LSAMP: variants seen among roughly 807,000 people sequenced by gnomAD.
LSAMP encodes limbic system-associated membrane protein.
Under a neutral mutation model 38.6 loss-of-function variants are expected in LSAMP, and 7 were observed. That is an observed-to-expected ratio of 0.18 (90% confidence interval 0.10 to 0.34). LSAMP has a LOEUF of 0.34. Ranked by LOEUF, LSAMP falls within the 10% of genes least tolerant of loss-of-function variation. LSAMP has a pLI of 1.00. For synonymous variants in LSAMP, 154 were observed against 166.8 expected, an observed-to-expected ratio of 0.92 and a Z score of 0.59; for missense variants, 313 against 420.0, an observed-to-expected ratio of 0.75 and a Z score of 2.23.
At chr3:116,439,316 G>GTTTTT (rs775235925) in intron 1 of LSAMP, among the ~76,000 whole-genome samples, 1 of 142,998 alleles carries the variant, frequency 7.0e-6, no homozygotes. Flanking sequence ...CTGAGATTTT[G>GTTTTT]TTGTTTTTTT....
intron 1 of LSAMP, among the ~76,000 whole-genome samples, chr3:116,122,763 A>G (rs1708912828): frequency 6.6e-6 from 1 of 152,212 alleles, no homozygotes; most frequent in African/African-American, 2.4e-5. Flanking sequence ...TCAACCTCAC[A>G]GGAAGCCAAA....
chr3:115,930,007 T>TTTTTG (rs1559885289), intron 3 of LSAMP, among the ~76,000 whole-genome samples: 2 of 135,794 alleles, frequency 1.5e-5, no homozygotes, highest in Non-Finnish European at 3.2e-5. Context: ...CAGAAGTTTT[T>TTTTTG]TTTTTTTTTT....
intron 1 of LSAMP, among the ~76,000 whole-genome samples, chr3:116,112,619 T>A (rs1000305533): frequency 6.6e-6 from 1 of 152,144 alleles, no homozygotes; most frequent in Admixed American, 6.5e-5. Flanking sequence ...TTTGGTAGCA[T>A]AGGAACCAGC....
intron 3 of LSAMP, among the ~76,000 whole-genome samples, chr3:115,898,613 A>G (rs1284093823): frequency 6.6e-6 from 1 of 150,558 alleles, no homozygotes; most frequent in East Asian, 1.9e-4. Context: ...ATATATATAT[A>G]TATATATATA....
chr3:116,104,398 TAAA>T (rs375580353), intron 1 of LSAMP, among the ~76,000 whole-genome samples: 3 of 139,966 alleles, frequency 2.1e-5, no homozygotes, highest in Non-Finnish European at 1.6e-5. Flanking sequence ...AAGGCAATGT[TAAA>T]AAAAAAAAAA....
intron 3 of LSAMP, among the ~76,000 whole-genome samples, chr3:115,874,616 C>T (rs1402801865): frequency 6.6e-6 from 1 of 152,028 alleles, no homozygotes; most frequent in Non-Finnish European, 1.5e-5. Context: ...CTATTACAGG[C>T]CAGACCCTGC....
chr3:116,392,546 C>G (rs1418454136), intron 1 of LSAMP, among the ~76,000 whole-genome samples: 1 of 152,222 alleles, frequency 6.6e-6, no homozygotes, highest in Non-Finnish European at 1.5e-5. Flanking sequence ...CTGAGGACAG[C>G]CTGGTGCTGG....
At chr3:116,088,983 T>C (rs1708055757) in intron 1 of LSAMP, among the ~76,000 whole-genome samples, 1 of 152,206 alleles carries the variant, frequency 6.6e-6, no homozygotes, top group African/African-American at 2.4e-5. Context: ...TCCCAAGTCC[T>C]ATAGCACCCA....
At chr3:116,421,396 C>A (rs2049122655) in intron 1 of LSAMP, among the ~76,000 whole-genome samples, 2 of 151,980 alleles carry the variant, frequency 1.3e-5, no homozygotes, top group East Asian at 1.9e-4. Flanking sequence ...ATGGTGAAAC[C>A]CTGTCTCTAC....
At chr3:116,069,430 G>A (rs568188392) in intron 2 of LSAMP, among the ~76,000 whole-genome samples, 1 of 152,288 alleles carries the variant, frequency 6.6e-6, no homozygotes, top group Non-Finnish European at 1.5e-5. Flanking sequence ...TATCACTATT[G>A]TTAGCAGCCG....
At chr3:116,391,076 A>T (rs922097544) in intron 1 of LSAMP, among the ~76,000 whole-genome samples, 2 of 152,230 alleles carry the variant, frequency 1.3e-5, no homozygotes, top group East Asian at 3.9e-4. Flanking sequence ...CCACAGCAGG[A>T]TTTTGCATCA....
chr3:116,412,572 G>A (rs1396808465), intron 1 of LSAMP, among the ~76,000 whole-genome samples: 1 of 152,080 alleles, frequency 6.6e-6, no homozygotes, highest in African/African-American at 2.4e-5. Flanking sequence ...CTGACAGCAA[G>A]TTCGTAGTTT....
chr3:116,204,325 C>A (rs1466634135), intron 1 of LSAMP, among the ~76,000 whole-genome samples: 1 of 151,718 alleles, frequency 6.6e-6, no homozygotes, highest in African/African-American at 2.4e-5. Context: ...GAGTAGGTTG[C>A]GAAAACTTTC....
At chr3:116,277,276 T>C (rs1396804458) in intron 1 of LSAMP, among the ~76,000 whole-genome samples, 1 of 152,220 alleles carries the variant, frequency 6.6e-6, no homozygotes, top group Non-Finnish European at 1.5e-5. Flanking sequence ...AATTTCCAAG[T>C]ATGTAGCACC....
At chr3:116,111,051 G>A (rs1221787678) in intron 1 of LSAMP, among the ~76,000 whole-genome samples, 1 of 152,168 alleles carries the variant, frequency 6.6e-6, no homozygotes, top group Non-Finnish European at 1.5e-5. Context: ...AATTCACAGG[G>A]TTAATCACTC....
chr3:116,241,615 AT>A (rs1166447528), intron 1 of LSAMP, among the ~76,000 whole-genome samples: 1 of 152,198 alleles, frequency 6.6e-6, no homozygotes, highest in Non-Finnish European at 1.5e-5. Context: ...ATGTCTTAGT[AT>A]ACTTTTCTTT....
chr3:115,871,333 T>C (rs1936026119), intron 3 of LSAMP, among the ~76,000 whole-genome samples: 1 of 151,982 alleles, frequency 6.6e-6, no homozygotes, highest in African/African-American at 2.4e-5. Flanking sequence ...CTAAGTTTAT[T>C]CAGCAGAGAC....
intron 3 of LSAMP, among the ~76,000 whole-genome samples, chr3:115,971,926 T>C (rs1331724687): frequency 6.6e-6 from 1 of 152,168 alleles, no homozygotes. Flanking sequence ...TGCATTCAAT[T>C]ATCACTTGAG....
chr3:116,179,446 T>C (rs1710432494), intron 1 of LSAMP, among the ~76,000 whole-genome samples: 1 of 152,106 alleles, frequency 6.6e-6, no homozygotes, highest in South Asian at 2.1e-4. Context: ...GGTGAGTGTA[T>C]CAGTCCCTTC....
Sources: allele counts gnomAD v4.1 joint callset (sites outside exome capture counted in the v4.1 genomes callset), GRCh38; gene constraint gnomAD v4.1.1; transcripts MANE v1.5; gene names NCBI Gene and HGNC (gene_info 2026-07-23, HGNC 2026-07-21).